The following COLEC11 variants were observed in gnomAD, a reference collection of about 807,000 sequenced individuals.
COLEC11 encodes collectin-11.
A neutral mutation model predicts 27.3 loss-of-function variants in COLEC11; 20 were observed. The ratio of observed to expected loss-of-function variants is 0.73; its 90% CI spans 0.51 to 1.06. The LOEUF (loss-of-function observed/expected upper bound fraction) is 1.06, where lower values mean the gene tolerates loss of function less well. COLEC11 is among the 50% of genes least tolerant of loss of function. COLEC11 has a pLI of 0.00. For synonymous variants in COLEC11, 163 were observed against 154.7 expected (o/e 1.05, Z -0.40); for missense variants, 310 against 383.0 (o/e 0.81, Z 1.59).
rs892338630 is a variant in COLEC11, at chr2:3,608,902, C to T, written c.131-4409C>T. Among the ~76,000 whole-genome samples the T allele has an allele frequency of 5.3e-5, 8 of 152,232 alleles. 1 individual carries two copies. Among genetic ancestry groups the T allele is most frequent in the African/African-American group, 1.2e-4 (5 of 41,466 alleles). On this transcript the variant is annotated intron_variant, in intron 2 of 6. Transcript: ENST00000349077. ...ATACTTTTTCTCGTGACAACCAGCA[C>T]GGTGTCTTCCAGGGCATATTTTGTT...
intron 2 of COLEC11, 148 bp downstream of exon 2, chr2:3,604,618 C>G (rs1479160894): frequency 3.3e-6 from 3 of 905,752 alleles, no homozygotes; most frequent in Non-Finnish European, 5.4e-6. Context: ...ATCTGGAAAT[C>G]AAGGGTTGGG....
chr2:3,619,758 T>G (rs1388764678), intron 3 of COLEC11, among the ~76,000 whole-genome samples: 1 of 152,196 alleles, frequency 6.6e-6, no homozygotes, highest in Non-Finnish European at 1.5e-5. Context: ...CCCAAGTAGC[T>G]GGGATTACAG....
intron 2 of COLEC11, chr2:3,605,790 G>C (rs1335255809): frequency 1.0e-5 from 3 of 296,850 alleles, no homozygotes; most frequent in Non-Finnish European, 1.9e-5. Flanking sequence ...TGCTCAGCCC[G>C]TGTTGTACAA....
chr2:3,634,863 G>C (rs571429134), intron 3 of COLEC11, among the ~76,000 whole-genome samples: 1 of 151,986 alleles, frequency 6.6e-6, no homozygotes, highest in Admixed American at 6.5e-5. Flanking sequence ...CCTCCTGGCT[G>C]TCCACCTGGT....
chr2:3,633,380 A>G (rs1446725199), intron 3 of COLEC11, among the ~76,000 whole-genome samples: 1 of 152,254 alleles, frequency 6.6e-6, no homozygotes, highest in African/African-American at 2.4e-5. Flanking sequence ...TTTGGCCTTT[A>G]GCCATCTCTG....
At chr2:3,642,055 G>A (rs906602201) in intron 5 of COLEC11, among the ~76,000 whole-genome samples, 8 of 152,220 alleles carry the variant, frequency 5.3e-5, no homozygotes, top group African/African-American at 1.2e-4. Context: ...GAACAAACTC[G>A]CAGCCGGAGG....
intron 3 of COLEC11, among the ~76,000 whole-genome samples, chr2:3,614,274 C>T (rs952529013): frequency 6.6e-6 from 1 of 152,112 alleles, no homozygotes; most frequent in Non-Finnish European, 1.5e-5. Flanking sequence ...AGTATGTACA[C>T]ATCATTCTAT....
At chr2:3,618,328 G>A (rs1337330396) in intron 3 of COLEC11, among the ~76,000 whole-genome samples, 1 of 152,152 alleles carries the variant, frequency 6.6e-6, no homozygotes, top group Admixed American at 6.5e-5. Context: ...TGTGATTTCA[G>A]GTATTACATT....
At chr2:3,624,870 G>A (rs1664423816) in intron 3 of COLEC11, among the ~76,000 whole-genome samples, 1 of 152,170 alleles carries the variant, frequency 6.6e-6, no homozygotes, top group South Asian at 2.1e-4. Flanking sequence ...TGCATGTCTT[G>A]TCTTCCTAAT....
intron 4 of COLEC11, among the ~76,000 whole-genome samples, chr2:3,638,735 A>G (rs572080260): frequency 6.6e-6 from 1 of 152,356 alleles, no homozygotes; most frequent in South Asian, 2.1e-4. Flanking sequence ...GCCACGGCCA[A>G]TGCAGTGAAG....
intron 3 of COLEC11, among the ~76,000 whole-genome samples, chr2:3,628,614 G>C (rs1331065235): frequency 1.3e-5 from 2 of 152,202 alleles, no homozygotes; most frequent in Non-Finnish European, 2.9e-5. Context: ...GGGAAAGTGA[G>C]ACCCCCCACC....
Position 3,644,467 on chromosome 2 carries a change from A to G in COLEC11, c.*349A>G, listed in dbSNP as rs536219549. The G allele has an allele frequency of 1.2e-5, 6 of 507,302 alleles. No homozygotes were observed. The highest frequency in any genetic ancestry group is 9.6e-5 in the African/African-American group (5 of 52,196). The allele number at this position is 507,302 out of a possible 1,614,324, so 31.4% of individuals were successfully genotyped here. A position where few individuals can be genotyped will look rare whatever the true frequency, so the allele number is the denominator to read the frequency against. On this transcript the variant is annotated 3_prime_UTR_variant, in exon 7 of 7. Coordinates refer to ENST00000349077, the MANE Select transcript of COLEC11 (RefSeq NM_024027.5). ...CAGTAGTTAAGTCCAAATAGTGGCA[A>G]TGGGGTCTTGAATTACTACCTTTTA... is the stretch of plus-strand genomic sequence containing the variant.
chr2:3,629,462 G>C (rs1664808675), intron 3 of COLEC11, among the ~76,000 whole-genome samples: 1 of 152,192 alleles, frequency 6.6e-6, no homozygotes, highest in African/African-American at 2.4e-5. Flanking sequence ...AGCTGTGTGA[G>C]GATAAAAGTA....
intron 1 of COLEC11, among the ~76,000 whole-genome samples, chr2:3,601,067 T>G (rs1662182534): frequency 6.6e-6 from 1 of 152,172 alleles, no homozygotes; most frequent in Non-Finnish European, 1.5e-5. Context: ...TTCTGATTCC[T>G]CGTGGATTCT....
At chr2:3,614,020 A>G (rs1663460639) in intron 3 of COLEC11, among the ~76,000 whole-genome samples, 1 of 132,858 alleles carries the variant, frequency 7.5e-6, no homozygotes, top group Admixed American at 8.7e-5. Flanking sequence ...TCTGTTGCCC[A>G]GGCTGGAGTG....
intron 3 of COLEC11, among the ~76,000 whole-genome samples, chr2:3,630,780 A>G (rs900452329): frequency 1.3e-5 from 2 of 152,204 alleles, no homozygotes; most frequent in Non-Finnish European, 2.9e-5. Context: ...TTGGTCCTCC[A>G]CAAAGAGAAC....
chr2:3,601,305 T>C (rs1662202813), intron 1 of COLEC11, among the ~76,000 whole-genome samples: 1 of 152,132 alleles, frequency 6.6e-6, no homozygotes, highest in African/African-American at 2.4e-5. Flanking sequence ...TTCTTTATTA[T>C]TATTATTTTT....
chr2:3,641,806 A>T (rs1465741561), intron 5 of COLEC11, among the ~76,000 whole-genome samples: 1 of 152,164 alleles, frequency 6.6e-6, no homozygotes, highest in East Asian at 1.9e-4. Flanking sequence ...GAACTTCTAC[A>T]GGATATGCCA....
rs939459131 is a variant in COLEC11, at chr2:3,598,049, C to T, written c.-27+2881C>T. 5.3e-5 allele frequency among the ~76,000 whole-genome samples: 8 copies of T among 152,168 alleles called. 1 individual carries two copies. Among genetic ancestry groups the T allele is most frequent in the African/African-American group, 1.9e-4 (8 of 41,424 alleles). On this transcript the variant is annotated intron_variant, in intron 1 of 6. Transcript: ENST00000349077. Reference sequence around the variant, plus strand: ...CTCCCGGGTTCAAGCGATTCTCCTGCCTCAGCCTCCCGAGTCACTGGAATT... The same window carrying T: ...CTCCCGGGTTCAAGCGATTCTCCTGTCTCAGCCTCCCGAGTCACTGGAATT...
Sources: gnomAD v4.1 joint callset for allele counts (sites outside exome capture counted in the v4.1 genomes callset) on GRCh38, gnomAD v4.1.1 for gene constraint, MANE v1.5 for transcripts, NCBI Gene and HGNC (gene_info 2026-07-23, HGNC 2026-07-21) for gene names.